The following KRT78 variants were observed in gnomAD, a reference collection of about 807,000 sequenced individuals.
KRT78 encodes the protein keratin, type II cytoskeletal 78.
A neutral mutation model predicts 51.4 loss-of-function variants in KRT78; 55 were observed. The ratio of observed to expected loss-of-function variants is 1.07; its 90% CI spans 0.86 to 1.34. The LOEUF (loss-of-function observed/expected upper bound fraction) is 1.34, where lower values mean the gene tolerates loss of function less well. Ranked by LOEUF, KRT78 falls within the 40% of genes most tolerant of loss-of-function variation. The pLI is 0.00. For missense variants in KRT78, 652 were observed against 649.4 expected, an observed-to-expected ratio of 1.00 and a Z score of -0.04; for synonymous variants, 291 against 264.3, an observed-to-expected ratio of 1.10 and a Z score of -0.98.
At chr12:52,848,394 G>C in intron 1 of KRT78, 153 bp downstream of exon 1, 1 of 1,404,236 alleles carries the variant, frequency 7.1e-7, no homozygotes, top group Non-Finnish European at 9.6e-7. Flanking sequence ...CATAGCCAGA[G>C]AGAGTCCAGT....
Position 52,848,698 on chromosome 12 carries a change from C to A in KRT78, c.233G>T (p.Cys78Phe). The A allele has an allele frequency of 6.2e-7, 1 of 1,613,022 alleles. No individual in the cohort carries two copies. Among genetic ancestry groups the A allele is most frequent in the South Asian group, 1.1e-5 (1 of 90,962 alleles). The part of the protein sequence containing the change: ...EWSGGPGLSL[C>F]PPGGIQEVTI... ...CACTTCTTGGATGCCCCCCGGAGGG[C>A]ACAGGGAGAGCCCAGGCCCACCACT... Residue 78 changes from cysteine (C) to phenylalanine (F), a missense_variant, in exon 1 of 9, where the codon TGC becomes TTC. Physicochemically the swap from Cys to Phe is radical, Grantham distance 205 (BLOSUM62 -2). Transcript: ENST00000304620.
At position 52,837,979 on chromosome 12, in the gene KRT78, A is replaced by T. The variant is rs1202482532; in HGVS notation, c.*1134T>A. The T allele has an allele frequency of 6.6e-6, 1 of 152,192 alleles. No homozygotes were observed. Among genetic ancestry groups the T allele is most frequent in the Non-Finnish European group, 1.5e-5 (1 of 68,050 alleles). 9.4% of individuals were successfully genotyped at this position (152,192 alleles called of 1,614,324 possible). On this transcript the variant is annotated 3_prime_UTR_variant, in exon 9 of 9. Coordinates refer to ENST00000304620, the MANE Select transcript of KRT78 (RefSeq NM_173352.4). ...GCTTGATCAAGGTCACACCACTAGG[A>T]AACAGCAGAGCTGGGATTCAAGCCA... is the stretch of plus-strand genomic sequence containing the variant.
chr12:52,842,716 G>A (rs1592144449), intron 6 of KRT78, among the ~76,000 whole-genome samples: 3 of 152,022 alleles, frequency 2.0e-5, no homozygotes, highest in African/African-American at 4.8e-5. Context: ...TCAGGAGTTC[G>A]AGACCAGCTT....
At chr12:52,842,152 C>A (rs975667006) in intron 6 of KRT78, among the ~76,000 whole-genome samples, 6 of 137,788 alleles carry the variant, frequency 4.4e-5, no homozygotes, top group Non-Finnish European at 8.9e-5. Flanking sequence ...AAACAAGAAC[C>A]AGGAGGATGG....
At chr12:52,845,988 AT>A in intron 4 of KRT78, 1 of 530,912 alleles carries the variant, frequency 1.9e-6, no homozygotes. Flanking sequence ...ATCTGTAGTG[AT>A]TTTTTTCTGG....
intron 5 of KRT78, 51 bp from the exon 6 acceptor site, chr12:52,844,269 G>T: frequency 6.5e-7 from 1 of 1,540,264 alleles, no homozygotes; most frequent in South Asian, 1.3e-5. Flanking sequence ...TGCCACCTTT[G>T]ACCATCTCCT....
At position 52,839,180 on chromosome 12, in the gene KRT78, C is replaced by A. The variant is rs567970303; in HGVS notation, c.1496G>T (p.Gly499Val). 1.2e-6 allele frequency: 2 copies of A among 1,612,934 alleles called. No individual in the cohort carries two copies. The highest frequency in any genetic ancestry group is 4.5e-5 in the East Asian group (2 of 44,870). ...CTTCAGGATGGTGTGGCAGCTGGAGCCAGCGCTGGAGCCAGACACAGAGCA... is the reference window on the plus strand; with the variant it reads ...CTTCAGGATGGTGTGGCAGCTGGAGACAGCGCTGGAGCCAGACACAGAGCA... The part of the protein sequence containing the change: ...DSCSVSGSSA[G>V]SSCHTILKKT... Residue 499 changes from glycine to valine, a missense_variant, in exon 9 of 9, where the codon GGC (glycine) becomes GTC (valine). Transcript: ENST00000304620.
At position 52,837,851 on chromosome 12, in the gene KRT78, G is replaced by A. The variant is rs1446827166; in HGVS notation, c.*1262C>T. On this transcript the variant is annotated 3_prime_UTR_variant, in exon 9 of 9. Transcript: ENST00000304620. Reference sequence around the variant, plus strand: ...AATTGAACTACCTTGGATGAATTTAGTTTCCTTCTGGGATCCTAGTGGCAC... The same window carrying A: ...AATTGAACTACCTTGGATGAATTTAATTTCCTTCTGGGATCCTAGTGGCAC... The A allele has an allele frequency of 6.6e-6, 1 of 152,234 alleles. No individual in the cohort carries two copies. The highest frequency in any genetic ancestry group is 1.5e-5 in the Non-Finnish European group (1 of 68,044). The allele number at this position is 152,234 out of a possible 1,614,324, so 9.4% of individuals were successfully genotyped here.
intron 4 of KRT78, among the ~76,000 whole-genome samples, chr12:52,845,312 A>C (rs1940615301): frequency 6.6e-6 from 1 of 151,890 alleles, no homozygotes; most frequent in African/African-American, 2.4e-5. Flanking sequence ...AGCCATCTTC[A>C]GACCTCTTAT....
chr12:52,848,760 C>A lies in KRT78; in HGVS notation c.171G>T (p.Gly57=). Residue 57 remains glycine (G), a synonymous_variant, in exon 1 of 9, where the codon GGG becomes GGT. Transcript: ENST00000304620. The stretch of plus-strand genomic sequence containing the variant: ...ACCGCACCCCCAGCCTACCCCCTGA[C>A]CCCCAGGTACTCCCACGAGAGCCTT... ...CLEGSRGSTW[G]SGGRLGVRFG... The A allele has an allele frequency of 6.2e-7, 1 of 1,609,746 alleles. No homozygotes were observed. Among genetic ancestry groups the A allele is most frequent in the Non-Finnish European group, 8.5e-7 (1 of 1,178,172 alleles).
intron 6 of KRT78, 146 bp downstream of exon 6, chr12:52,843,947 C>T (rs1940577907): frequency 1.0e-6 from 1 of 979,614 alleles, no homozygotes; most frequent in Non-Finnish European, 1.5e-6. Flanking sequence ...TCTCTTCTCC[C>T]CAAATTATCC....
chr12:52,839,156 T>C lies in KRT78; in HGVS notation c.1520A>G (p.Lys507Arg), dbSNP rs1940416614. 6.2e-7 allele frequency: 1 copy of C among 1,613,318 alleles called. No homozygotes were observed. The highest frequency in any genetic ancestry group is 8.5e-7 in the Non-Finnish European group (1 of 1,179,914). Residue 507 changes from lysine to arginine, a missense_variant, in exon 9 of 9, where the codon AAG (lysine) becomes AGG (arginine). Physicochemically the swap from Lys to Arg is conservative, Grantham distance 26 (BLOSUM62 2). Coordinates refer to ENST00000304620, the MANE Select transcript of KRT78 (RefSeq NM_173352.4). ...CTTCAGACTCGACTCAACTGTCTTCTTCAGGATGGTGTGGCAGCTGGAGCC... is the reference window on the plus strand; with the variant it reads ...CTTCAGACTCGACTCAACTGTCTTCCTCAGGATGGTGTGGCAGCTGGAGCC... ...SAGSSCHTILKKTVESSLKTS... is the reference protein window; with the variant it reads ...SAGSSCHTILRKTVESSLKTS...
intron 6 of KRT78, among the ~76,000 whole-genome samples, chr12:52,840,578 G>A (rs372865052): frequency 5.6e-4 from 85 of 152,236 alleles, no homozygotes; most frequent in African/African-American, 1.7e-3. Context: ...ATAGTGGCAC[G>A]CACCTGTAGT....
At chr12:52,843,688 C>CAAAAAAAAAAAAA (rs1158055717) in intron 6 of KRT78, among the ~76,000 whole-genome samples, 11 of 63,168 alleles carry the variant, frequency 1.7e-4, no homozygotes, top group South Asian at 6.0e-4. Context: ...GACTCTGTCT[C>CAAAAAAAAAAAAA]AAAAAAAAAA....
intron 6 of KRT78, among the ~76,000 whole-genome samples, chr12:52,842,913 TGAAA>T (rs1940532223): frequency 7.4e-6 from 1 of 134,414 alleles, no homozygotes; most frequent in Non-Finnish European, 1.6e-5. Flanking sequence ...TGAAACTCCA[TGAAA>T]GAAAGAAAGG....
Position 52,838,754 on chromosome 12 carries a change from T to C in KRT78, c.*359A>G, listed in dbSNP as rs1373737814. 7 of 277,622 alleles carry C rather than the reference T, an allele frequency of 2.5e-5. No homozygotes were observed. Among genetic ancestry groups the C allele is most frequent in the Non-Finnish European group, 4.1e-5 (6 of 146,866 alleles). The allele number at this position is 277,622 out of a possible 1,614,324, so 17.2% of individuals were successfully genotyped here. ...GCTACAAGCACAGCTAAAACATCAG[T>C]GGAGTTGTGGGAGATGGAGGGCACC... On this transcript the variant is annotated 3_prime_UTR_variant, in exon 9 of 9. Transcript: ENST00000304620.
intron 3 of KRT78, 95 bp from the exon 4 acceptor site, chr12:52,846,387 C>A: frequency 1.3e-6 from 1 of 799,744 alleles, no homozygotes; most frequent in South Asian, 1.4e-5. Flanking sequence ...GCTCAACACC[C>A]ATCCACCATG....
At chr12:52,846,398 C>A in intron 3 of KRT78, 106 bp from the exon 4 acceptor site, 1 of 756,036 alleles carries the variant, frequency 1.3e-6, no homozygotes. Context: ...ATCCACCATG[C>A]CTCCCAAGAC....
At chr12:52,844,826 AC>A (rs1428877532) in intron 4 of KRT78, 103 bp from the exon 5 acceptor site, 4 of 1,122,758 alleles carry the variant, frequency 3.6e-6, no homozygotes, top group East Asian at 5.0e-5. Flanking sequence ...ACATGCCATG[AC>A]CCCCATTCAT....
Sources: gnomAD v4.1 joint callset for allele counts (sites outside exome capture counted in the v4.1 genomes callset) on GRCh38, gnomAD v4.1.1 for gene constraint, MANE v1.5 for transcripts, NCBI Gene and HGNC (gene_info 2026-07-23, HGNC 2026-07-21) for gene names.